The following OR9Q1 variants were observed in gnomAD, a reference collection of about 807,000 sequenced individuals.
The protein encoded by OR9Q1 is olfactory receptor family 9 subfamily Q member 1.
For synonymous variants in OR9Q1, 153 were observed against 148.6 expected (o/e 1.03, Z -0.22); for missense variants, 374 against 378.8 (o/e 0.99, Z 0.11).
chr11:58,082,766 AT>A lies in OR9Q1; in HGVS notation c.-15+26820del, dbSNP rs1272222151. On this transcript the variant is annotated intron_variant, in intron 2 of 2. Coordinates refer to ENST00000335397, the MANE Select transcript of OR9Q1 (RefSeq NM_001005212.4). ...TATAATAATAATAATAATAATAATAATAATAAAAAGTTAGGTCTTCTTTTTT... is the reference window on the plus strand; with the variant it reads ...TATAATAATAATAATAATAATAATAAAATAAAAAGTTAGGTCTTCTTTTTT... Among the ~76,000 whole-genome samples the A allele has an allele frequency of 8.6e-4, 112 of 130,548 alleles. 1 individual carries two copies. The highest frequency in any genetic ancestry group is 1.9e-3 in the South Asian group (6 of 3,190). 85.6% of individuals were successfully genotyped at this position (130,548 alleles called of 152,430 possible).
At chr11:58,138,945 A>G (rs1009456512) in intron 2 of OR9Q1, among the ~76,000 whole-genome samples, 7 of 152,136 alleles carry the variant, frequency 4.6e-5, no homozygotes, top group African/African-American at 9.7e-5. Flanking sequence ...TGTGTGGTAT[A>G]TTTTCTAAGA....
intron 2 of OR9Q1, among the ~76,000 whole-genome samples, chr11:58,137,944 G>T (rs1371889459): frequency 6.6e-6 from 1 of 152,178 alleles, no homozygotes; most frequent in Non-Finnish European, 1.5e-5. Context: ...GCAGAAGAGA[G>T]ACCATTGTGT....
intron 2 of OR9Q1, chr11:58,109,544 G>T (rs755515859): frequency 4.1e-5 from 19 of 457,866 alleles, no homozygotes; most frequent in South Asian, 2.9e-4. Context: ...CCATTCCCCA[G>T]AAAAGTGACA....
intron 2 of OR9Q1, chr11:58,072,466 G>A (rs969725331): frequency 3.0e-5 from 5 of 165,958 alleles, no homozygotes; most frequent in African/African-American, 1.2e-4. Flanking sequence ...ACCTTAGTAT[G>A]TCAGAAAATG....
In OR9Q1 at chr11:58,079,719, G is replaced by A. The variant is rs189589654; in HGVS notation, c.-15+23772G>A. ...AGCTTACTGGAGAACAGGAAACCAT[G>A]AGAAAAGGCGCCCCAGTTGCCTCAG... On this transcript the variant is annotated intron_variant, in intron 2 of 2. Transcript: ENST00000335397. Among the ~76,000 whole-genome samples, 4 of 152,296 alleles carry A rather than the reference G, an allele frequency of 2.6e-5. No homozygotes were observed. The East Asian group carries it at 7.7e-4, about 29-fold the overall frequency.
chr11:58,109,505 C>T (rs1039400803), intron 2 of OR9Q1: 1 of 461,296 alleles, frequency 2.2e-6, no homozygotes, highest in Non-Finnish European at 4.4e-6. Flanking sequence ...TGGAGTTGGG[C>T]ATCCACTTGG....
chr11:58,149,922 G>A (rs1854333719), intron 2 of OR9Q1, among the ~76,000 whole-genome samples: 1 of 152,170 alleles, frequency 6.6e-6, no homozygotes, highest in Admixed American at 6.5e-5. Context: ...TGCTATAAAT[G>A]TGGGTGAACA....
chr11:58,129,553 C>A (rs906131942), intron 2 of OR9Q1, among the ~76,000 whole-genome samples: 1 of 152,264 alleles, frequency 6.6e-6, no homozygotes, highest in African/African-American at 2.4e-5. Flanking sequence ...GTTTTGATCT[C>A]CTACTGGTCT....
At chr11:58,172,833 T>C (rs1854567843) in intron 2 of OR9Q1, among the ~76,000 whole-genome samples, 1 of 152,222 alleles carries the variant, frequency 6.6e-6, no homozygotes, top group Non-Finnish European at 1.5e-5. Flanking sequence ...CAAAGTATAC[T>C]GTTTTAATTA....
In OR9Q1 at chr11:58,179,792, C is replaced by T. The variant is rs11229273; in HGVS notation, c.348C>T (p.Ala116=). The change falls in exon 3 of 3, where the codon GCC becomes GCT. Residue 116 remains alanine (A), a synonymous_variant. Coordinates refer to ENST00000335397, the MANE Select transcript of OR9Q1 (RefSeq NM_001005212.4). ...GTTCCATCGACTGCTACCTCTTGGC[C>T]CTCATGGCCTATGACCGCTACTTGG... is the stretch of plus-strand genomic sequence containing the variant. ...FFGSIDCYLL[A]LMAYDRYLAV... 1 of 1,613,966 alleles carries T rather than the reference C, an allele frequency of 6.2e-7. No individual in the cohort carries two copies. The highest frequency in any genetic ancestry group is 1.1e-5 in the South Asian group (1 of 91,072).
intron 2 of OR9Q1, among the ~76,000 whole-genome samples, chr11:58,067,035 CTTT>C (rs11301127): frequency 1.1e-4 from 16 of 140,190 alleles, no homozygotes; most frequent in Admixed American, 2.1e-4. Flanking sequence ...GGCTTGAATT[CTTT>C]TTTTTTTTTT....
intron 2 of OR9Q1, among the ~76,000 whole-genome samples, chr11:58,131,582 T>C (rs937900586): frequency 2.6e-5 from 4 of 152,108 alleles, no homozygotes; most frequent in Non-Finnish European, 5.9e-5. Context: ...TGGAGGTTTC[T>C]CCTTTACCTA....
rs370644699 is a variant in OR9Q1 at position 58,031,124 on chromosome 11, C to T, written c.-93+7020C>T. The T allele has an allele frequency of 6.7e-5, 108 of 1,614,228 alleles. No homozygotes were observed. Among genetic ancestry groups the T allele is most frequent in the African/African-American group, 2.1e-4 (16 of 75,068 alleles). ...AGTGGTGGGTTTGGACCACCGACTA[C>T]GGAGACCCATGTATTTCTTCCTGAC... On this transcript the variant is annotated intron_variant, in intron 1 of 2. Coordinates refer to ENST00000335397, the MANE Select transcript of OR9Q1 (RefSeq NM_001005212.4).
chr11:58,094,191 CAGAA>C (rs1446246903), intron 2 of OR9Q1, among the ~76,000 whole-genome samples: 2 of 152,046 alleles, frequency 1.3e-5, no homozygotes, highest in Non-Finnish European at 2.9e-5. Context: ...AAGTCAGTCA[CAGAA>C]AGACAAATAC....
chr11:58,180,631 A>G lies in OR9Q1; in HGVS notation c.*254A>G. ...TTGAAATTAAAGCCTGTGCAATCCA[A>G]ATATGGCACACTTCACCTGTCTGTG... is the stretch of plus-strand genomic sequence containing the variant. On this transcript the variant is annotated 3_prime_UTR_variant, in exon 3 of 3. Coordinates refer to ENST00000335397, the MANE Select transcript of OR9Q1 (RefSeq NM_001005212.4). 2.9e-6 allele frequency: 1 copy of G among 347,848 alleles called. No individual in the cohort carries two copies. Among genetic ancestry groups the G allele is most frequent in the Non-Finnish European group, 5.5e-6 (1 of 183,404 alleles). The allele number at this position is 347,848 out of a possible 1,614,324, so 21.5% of individuals were successfully genotyped here.
At chr11:58,118,718 A>C (rs189336979) in intron 2 of OR9Q1, 2 of 1,614,094 alleles carry the variant, frequency 1.2e-6, no homozygotes, top group East Asian at 2.2e-5. Context: ...GTGATGTGAG[A>C]GGCACATGTG....
chr11:58,093,302 C>T (rs1362016465), intron 2 of OR9Q1, among the ~76,000 whole-genome samples: 1 of 152,040 alleles, frequency 6.6e-6, no homozygotes, highest in Non-Finnish European at 1.5e-5. Flanking sequence ...TTACAAGGGA[C>T]TCAAACAGCT....
At chr11:58,087,534 G>A (rs774342044) in intron 2 of OR9Q1, among the ~76,000 whole-genome samples, 2 of 151,856 alleles carry the variant, frequency 1.3e-5, no homozygotes, top group Non-Finnish European at 2.9e-5. Flanking sequence ...TAAATGAAAC[G>A]AAGGATATTC....
chr11:58,094,984 A>G lies in OR9Q1; in HGVS notation c.-15+39037A>G, dbSNP rs143450935. Among the ~76,000 whole-genome samples the G allele has an allele frequency of 7.4e-3, 1,129 of 152,298 alleles. 9 individuals carry two copies. The highest frequency in any genetic ancestry group is 0.025 in the African/African-American group (1,058 of 41,558). ...CTGACAAACATTTTGTGCAAAATAC[A>G]TGTTCGTCAATTTTGTTGAGTAACA... On this transcript the variant is annotated intron_variant, in intron 2 of 2. Coordinates refer to ENST00000335397, the MANE Select transcript of OR9Q1 (RefSeq NM_001005212.4).
Sources: gnomAD v4.1 joint callset for allele counts (sites outside exome capture counted in the v4.1 genomes callset) on GRCh38, gnomAD v4.1.1 for gene constraint, MANE v1.5 for transcripts, NCBI Gene and HGNC (gene_info 2026-07-23, HGNC 2026-07-21) for gene names.